The following PCDHGA8 variants were observed in gnomAD, a reference collection of about 807,000 sequenced individuals.
PCDHGA8 encodes the protein protocadherin gamma-A8.
PCDHGA8 carries 45 observed loss-of-function variants against 59.2 expected under a neutral mutation model. That is an observed-to-expected ratio of 0.76 (90% CI 0.60 to 0.98). The LOEUF is 0.98. Ranked by LOEUF, PCDHGA8 falls within the 50% of genes least tolerant of loss-of-function variation. PCDHGA8 has a pLI of 0.00. For missense variants in PCDHGA8, 1,257 were observed against 1,196.2 expected, an observed-to-expected ratio of 1.05 and a Z score of -0.75; for synonymous variants, 531 against 519.0, an observed-to-expected ratio of 1.02 and a Z score of -0.32.
chr5:141,483,903 G>C (rs1167942546), intron 1 of PCDHGA8, among the ~76,000 whole-genome samples: 1 of 151,282 alleles, frequency 6.6e-6, no homozygotes, highest in Admixed American at 6.6e-5. Context: ...GCTCTGGTGT[G>C]TTTCCCACTC....
At chr5:141,504,643 G>A (rs1049421626) in intron 2 of PCDHGA8, among the ~76,000 whole-genome samples, 3 of 124,276 alleles carry the variant, frequency 2.4e-5, no homozygotes, top group African/African-American at 9.0e-5. Flanking sequence ...AAGGTTTGAT[G>A]ATAGAGTGTT....
intron 1 of PCDHGA8, among the ~76,000 whole-genome samples, chr5:141,459,059 A>G (rs1219921155): frequency 2.6e-5 from 4 of 152,228 alleles, no homozygotes; most frequent in African/African-American, 4.8e-5. Context: ...AGTATAATTT[A>G]TATAACATAA....
intron 1 of PCDHGA8, chr5:141,427,830 C>T (rs749612858): frequency 7.8e-6 from 12 of 1,538,204 alleles, no homozygotes; most frequent in African/African-American, 1.4e-5. Flanking sequence ...GGTCGCGCAG[C>T]GTGCCTTCGA....
chr5:141,410,238 C>CA, intron 1 of PCDHGA8: 1 of 1,614,046 alleles, frequency 6.2e-7, no homozygotes, highest in Non-Finnish European at 8.5e-7. Context: ...AGCGACCGCC[C>CA]TGTACTCTCT....
chr5:141,403,581 T>C (rs2094427540), intron 1 of PCDHGA8: 8 of 1,613,936 alleles, frequency 5.0e-6, no homozygotes, highest in Non-Finnish European at 6.8e-6. Flanking sequence ...GCCCACCACC[T>C]GGTCCTCACG....
chr5:141,476,029 A>G lies in PCDHGA8; in HGVS notation c.2425-18778A>G, dbSNP rs975943706. The G allele has an allele frequency of 2.3e-5, 34 of 1,455,312 alleles. No homozygotes were observed. The highest frequency in any genetic ancestry group is 1.1e-4 in the African/African-American group (8 of 70,728). 90.1% of individuals were successfully genotyped at this position (1,455,312 alleles called of 1,614,324 possible). A position where few individuals can be genotyped will look rare whatever the true frequency, so the allele number is the denominator to read the frequency against. On this transcript the variant is annotated intron_variant, in intron 1 of 3. Transcript: ENST00000398604. The surrounding 1 kb of genome is among the most constrained non-coding windows in gnomAD (Gnocchi z 7.6). The stretch of plus-strand genomic sequence containing the variant: ...GAAAGCCATGTCGGACTCGGCGCCC[A>G]GCGCCCAAGCGCTAACCCGCTGAAA...
At chr5:141,430,612 G>A (rs1406353008) in intron 1 of PCDHGA8, 2 of 680,678 alleles carry the variant, frequency 2.9e-6, no homozygotes, top group African/African-American at 3.7e-5. Flanking sequence ...GCACAAAGCA[G>A]ATAGCTAGGA....
chr5:141,509,046 C>T (rs1442220429), intron 3 of PCDHGA8, among the ~76,000 whole-genome samples: 1 of 152,160 alleles, frequency 6.6e-6, no homozygotes, highest in Non-Finnish European at 1.5e-5. Flanking sequence ...CTCTCCCCCG[C>T]CCCCAGAAAG....
intron 1 of PCDHGA8, chr5:141,395,582 G>T (rs1200378126): frequency 5.5e-6 from 1 of 181,100 alleles, no homozygotes; most frequent in Non-Finnish European, 1.1e-5. Flanking sequence ...GTGTGTGTGT[G>T]TGTGTGTGTA....
At chr5:141,464,470 C>T (rs1175806879) in intron 1 of PCDHGA8, among the ~76,000 whole-genome samples, 3 of 151,194 alleles carry the variant, frequency 2.0e-5, no homozygotes, top group Non-Finnish European at 2.9e-5. Flanking sequence ...GAAGTATGTA[C>T]GTATAATAAA....
intron 1 of PCDHGA8, chr5:141,423,956 A>G: frequency 1.7e-6 from 2 of 1,182,724 alleles, no homozygotes; most frequent in Non-Finnish European, 2.1e-6. Flanking sequence ...TTTTAGTATT[A>G]TTTTTCTATT....
chr5:141,410,329 G>A, intron 1 of PCDHGA8: 4 of 1,613,982 alleles, frequency 2.5e-6, no homozygotes, highest in Non-Finnish European at 3.4e-6. Flanking sequence ...CCGTGATTCT[G>A]GCCATTGCCT....
At position 141,487,152 on chromosome 5, in the gene PCDHGA8, C is replaced by T. The variant is rs772254681; in HGVS notation, c.2425-7655C>T. On this transcript the variant is annotated intron_variant, in intron 1 of 3. Coordinates refer to ENST00000398604, the MANE Select transcript of PCDHGA8 (RefSeq NM_032088.2). The surrounding 1 kb of genome is among the most constrained non-coding windows in gnomAD (Gnocchi z 5.0). ...AGTCCACCACTCTCTACCTCTGTTA[C>T]TCTCTTAGTGTCCTTAGAGGAAGAC... 3.7e-6 allele frequency: 6 copies of T among 1,613,860 alleles called. No homozygotes were observed. Among genetic ancestry groups the T allele is most frequent in the Non-Finnish European group, 5.1e-6 (6 of 1,179,828 alleles).
At chr5:141,422,424 T>G (rs1182660567) in intron 1 of PCDHGA8, 3 of 1,607,958 alleles carry the variant, frequency 1.9e-6, no homozygotes, top group Non-Finnish European at 2.5e-6. Flanking sequence ...AAAAGACTTA[T>G]GGAAATTATT....
At chr5:141,450,055 G>A (rs1325291695) in intron 1 of PCDHGA8, among the ~76,000 whole-genome samples, 2 of 137,594 alleles carry the variant, frequency 1.5e-5, no homozygotes, top group Non-Finnish European at 3.0e-5. Flanking sequence ...CGCCCAGGCT[G>A]GAATGCAGTG....
chr5:141,498,578 G>T (rs1404493166), intron 2 of PCDHGA8, among the ~76,000 whole-genome samples: 1 of 152,048 alleles, frequency 6.6e-6, no homozygotes, highest in African/African-American at 2.4e-5. Flanking sequence ...CTAGTATTGA[G>T]TTCTTCAGTA....
chr5:141,456,698 C>T (rs1466672057), intron 1 of PCDHGA8, among the ~76,000 whole-genome samples: 1 of 152,132 alleles, frequency 6.6e-6, no homozygotes, highest in Non-Finnish European at 1.5e-5. Flanking sequence ...GGCGTGGTGG[C>T]TCGCGCCTGT....
chr5:141,395,078 G>T lies in PCDHGA8; in HGVS notation c.2265G>T (p.Gln755His), dbSNP rs756312673. The T allele has an allele frequency of 1.9e-6, 3 of 1,614,126 alleles. No individual in the cohort carries two copies. Among genetic ancestry groups the T allele is most frequent in the South Asian group, 1.1e-5 (1 of 91,084 alleles). Reference protein sequence around the residue: ...EVQAFLQTYSQEVSLTADSRK... With the variant: ...EVQAFLQTYSHEVSLTADSRK... ...AGGCTTTCCTGCAGACCTATTCCCA[G>T]GAAGTCTCCCTCACCGCCGACTCGC... Residue 755 changes from glutamine to histidine, a missense_variant, in exon 1 of 4, where the codon CAG becomes CAT. Coordinates refer to ENST00000398604, the MANE Select transcript of PCDHGA8 (RefSeq NM_032088.2).
At chr5:141,410,913 G>GC (rs1270456210) in intron 1 of PCDHGA8, 4 of 263,626 alleles carry the variant, frequency 1.5e-5, no homozygotes, top group African/African-American at 1.1e-4. Flanking sequence ...GAGTGCAGTG[G>GC]CGTGATCTCT....
Sources: allele counts gnomAD v4.1 joint callset (sites outside exome capture counted in the v4.1 genomes callset), GRCh38; gene constraint gnomAD v4.1.1; non-coding constraint Gnocchi (gnomAD v3.1); transcripts MANE v1.5; gene names NCBI Gene and HGNC (gene_info 2026-07-23, HGNC 2026-07-21).